The following UNC13C variants were observed in gnomAD, a reference collection of about 807,000 sequenced individuals.
UNC13C encodes protein unc-13 homolog C.
UNC13C carries 174 observed loss-of-function variants against 245.4 expected under a neutral mutation model. The ratio of observed to expected loss-of-function variants is 0.71; its 90% CI spans 0.63 to 0.80. The LOEUF is 0.80. Ranked by LOEUF, UNC13C falls within the 30% of genes least tolerant of loss-of-function variation. The probability of loss-of-function intolerance (pLI) is 0.00; values close to 1 mark genes in which losing one functional copy is unlikely to be tolerated. For missense variants in UNC13C, 2,829 were observed against 2,602.9 expected, an observed-to-expected ratio of 1.09 and a Z score of -1.89; for synonymous variants, 992 against 895.1, an observed-to-expected ratio of 1.11 and a Z score of -1.93.
At chr15:54,178,863 C>A (rs973409056) in intron 4 of UNC13C, among the ~76,000 whole-genome samples, 1 of 152,070 alleles carries the variant, frequency 6.6e-6, no homozygotes, top group African/African-American at 2.4e-5. Context: ...AATAAAATCC[C>A]GCTTGAGGAA....
intron 2 of UNC13C, among the ~76,000 whole-genome samples, chr15:54,052,836 A>G (rs529169996): frequency 4.6e-5 from 7 of 152,316 alleles, no homozygotes; most frequent in Non-Finnish European, 7.4e-5. Flanking sequence ...ATTTGATTTT[A>G]TAAGTATCCA....
At chr15:53,883,887 T>C in the UNC13C span, among the ~76,000 whole-genome samples, 2 of 152,204 alleles carry the variant, frequency 1.3e-5, no homozygotes, top group African/African-American at 4.8e-5. Flanking sequence ...TTGGAATAAG[T>C]ATATAAAATA....
chr15:54,185,926 T>G (rs2033965653), intron 4 of UNC13C, among the ~76,000 whole-genome samples: 1 of 151,668 alleles, frequency 6.6e-6, no homozygotes, highest in South Asian at 2.1e-4. Context: ...TCCATTTGTT[T>G]GTATCCTCTT....
chr15:54,241,436 T>A (rs1473221415), intron 7 of UNC13C, among the ~76,000 whole-genome samples: 3 of 152,104 alleles, frequency 2.0e-5, no homozygotes, highest in Admixed American at 1.3e-4. Context: ...AGCTGTAGGC[T>A]TACAGCACAC....
chr15:54,280,693 CATAT>C (rs2036960914), intron 10 of UNC13C, among the ~76,000 whole-genome samples: 4 of 64,900 alleles, frequency 6.2e-5, no homozygotes, highest in African/African-American at 2.6e-4. Context: ...CATATATAAA[CATAT>C]GTATACATAC....
chr15:53,948,908 A>G, the UNC13C span, among the ~76,000 whole-genome samples: 1 of 152,150 alleles, frequency 6.6e-6, no homozygotes, highest in South Asian at 2.1e-4. Context: ...CCTTGCATTT[A>G]TTGTACTTAA....
At chr15:54,312,064 A>G (rs950865396) in intron 13 of UNC13C, among the ~76,000 whole-genome samples, 1 of 151,866 alleles carries the variant, frequency 6.6e-6, no homozygotes. Context: ...CGTTAATGCT[A>G]CATTTAAAAA....
At chr15:54,587,322 TGA>T (rs1413429762) in intron 30 of UNC13C, among the ~76,000 whole-genome samples, 1 of 152,198 alleles carries the variant, frequency 6.6e-6, no homozygotes, top group Non-Finnish European at 1.5e-5. Context: ...ACAAAACCCG[TGA>T]AACATTTATA....
intron 4 of UNC13C, among the ~76,000 whole-genome samples, chr15:54,200,598 G>C (rs2034492578): frequency 6.6e-6 from 1 of 151,980 alleles, no homozygotes; most frequent in African/African-American, 2.4e-5. Context: ...AAATCAAGAT[G>C]GGAATTAAAA....
intron 30 of UNC13C, among the ~76,000 whole-genome samples, chr15:54,584,605 G>A (rs1285756060): frequency 6.6e-6 from 1 of 152,258 alleles, no homozygotes. Context: ...AATGGAAGAA[G>A]TCAGTTTTTC....
the UNC13C span, among the ~76,000 whole-genome samples, chr15:53,899,182 A>G: frequency 6.6e-6 from 1 of 152,140 alleles, no homozygotes; most frequent in Non-Finnish European, 1.5e-5. Context: ...TTATTTATGT[A>G]TATGTTTATT....
At chr15:54,427,047 AT>A (rs1400344243) in intron 19 of UNC13C, among the ~76,000 whole-genome samples, 1 of 151,824 alleles carries the variant, frequency 6.6e-6, no homozygotes, top group Non-Finnish European at 1.5e-5. Context: ...TGACCTACAA[AT>A]TCAATTTTTC....
intron 2 of UNC13C, among the ~76,000 whole-genome samples, chr15:54,057,913 C>T (rs143131770): frequency 0.85 from 129,015 of 152,040 alleles, 54,956 homozygotes; most frequent in Middle Eastern, 0.92. Flanking sequence ...TTGAAACCAA[C>T]AAGAACAAAG....
intron 10 of UNC13C, among the ~76,000 whole-genome samples, chr15:54,279,731 G>A (rs2036926962): frequency 6.6e-6 from 1 of 152,080 alleles, no homozygotes; most frequent in Non-Finnish European, 1.5e-5. Context: ...TTTTTCTCTG[G>A]CAAGAAATAT....
chr15:54,631,494 A>ACTT (rs2141332416), downstream of UNC13C: 1 of 152,292 alleles, frequency 6.6e-6, no homozygotes, highest in African/African-American at 2.4e-5. Flanking sequence ...CCACGTTACC[A>ACTT]CTTTATAGAC....
chr15:54,465,852 A>G (rs935946360), intron 19 of UNC13C, among the ~76,000 whole-genome samples: 2 of 152,036 alleles, frequency 1.3e-5, no homozygotes, highest in African/African-American at 4.8e-5. Flanking sequence ...GCATATATTT[A>G]AGTTATTTTC....
intron 1 of UNC13C, among the ~76,000 whole-genome samples, chr15:53,989,112 A>G (rs1017731795): frequency 1.3e-5 from 2 of 151,948 alleles, no homozygotes; most frequent in South Asian, 2.1e-4. Flanking sequence ...TGTGAGTAAA[A>G]CAGTACAGAG....
chr15:53,944,973 G>T, the UNC13C span, among the ~76,000 whole-genome samples: 1 of 152,272 alleles, frequency 6.6e-6, no homozygotes, highest in African/African-American at 2.4e-5. Flanking sequence ...GTGAGAGGTT[G>T]TACCTCACTG....
chr15:54,588,484 A>T (rs764958200), intron 30 of UNC13C, among the ~76,000 whole-genome samples: 2 of 152,222 alleles, frequency 1.3e-5, no homozygotes, highest in Admixed American at 1.3e-4. Flanking sequence ...CCTAGTGCAT[A>T]ACAAATACTT....
Sources: allele counts gnomAD v4.1 joint callset (sites outside exome capture counted in the v4.1 genomes callset), GRCh38; gene constraint gnomAD v4.1.1; transcripts MANE v1.5; gene names NCBI Gene and HGNC (gene_info 2026-07-23, HGNC 2026-07-21).